Variants in CLVS1 observed in about 807,000 individuals in gnomAD.
CLVS1 encodes clavesin 1, also known as clavesin-1.
In CLVS1, 10 loss-of-function variants were observed where a neutral mutation model predicts 33.1. The observed-to-expected ratio is 0.30, with a 90% CI of 0.19 to 0.51. The LOEUF (loss-of-function observed/expected upper bound fraction) is 0.51, where lower values mean the gene tolerates loss of function less well. Ranked by LOEUF, CLVS1 falls within the 20% of genes least tolerant of loss-of-function variation. The probability of loss-of-function intolerance (pLI) is 0.97; values close to 1 mark genes in which losing one functional copy is unlikely to be tolerated. For synonymous variants in CLVS1, 163 were observed against 166.1 expected (o/e 0.98, Z 0.14); for missense variants, 343 against 433.4 (o/e 0.79, Z 1.85).
intron 3 of CLVS1, among the ~76,000 whole-genome samples, chr8:61,383,292 A>C (rs1312165822): frequency 6.6e-6 from 1 of 152,230 alleles, no homozygotes; most frequent in Non-Finnish European, 1.5e-5. Flanking sequence ...TTGAGGGATG[A>C]ATCCTTTCCC....
chr8:61,496,960 G>A (rs1039814761), intron 5 of CLVS1, among the ~76,000 whole-genome samples: 3 of 152,006 alleles, frequency 2.0e-5, no homozygotes, highest in Non-Finnish European at 4.4e-5. Flanking sequence ...TTTTTAGATG[G>A]AAAAAACTAA....
At chr8:61,122,569 A>AACACACACAC (rs4033855) in intron 1 of CLVS1, among the ~76,000 whole-genome samples, 4,874 of 144,516 alleles carry the variant, frequency 0.034, 75 homozygotes, top group Admixed American at 0.06. Flanking sequence ...ATATTAAGAA[A>AACACACACAC]ACACACACAC....
intron 3 of CLVS1, among the ~76,000 whole-genome samples, chr8:61,430,894 G>C (rs1359220691): frequency 6.6e-6 from 1 of 152,126 alleles, no homozygotes; most frequent in Non-Finnish European, 1.5e-5. Context: ...AAATCAGTGG[G>C]CTTCTCTTTC....
chr8:61,196,122 C>T lies in CLVS1; in HGVS notation c.-152+64262C>T, dbSNP rs117002328. ...AGCATAGACTTTAGAGTCATGAATT[C>T]ATTTGTTCATTTAACAAATATTTAT... On this transcript the variant is annotated intron_variant, in intron 2 of 2. Transcript: ENST00000522621. 6.9e-3 allele frequency among the ~76,000 whole-genome samples: 1,048 copies of T among 152,176 alleles called. 11 individuals carry two copies. Among genetic ancestry groups the T allele is most frequent in the Non-Finnish European group, 0.011 (759 of 67,984 alleles).
At chr8:61,076,697 A>G (rs964009044) in intron 1 of CLVS1, among the ~76,000 whole-genome samples, 4 of 152,250 alleles carry the variant, frequency 2.6e-5, no homozygotes, top group Non-Finnish European at 5.9e-5. Context: ...TAAGATCACC[A>G]GGATGGGTGG....
intron 1 of CLVS1, among the ~76,000 whole-genome samples, chr8:61,291,431 A>G (rs888378795): frequency 3.9e-5 from 6 of 152,204 alleles, no homozygotes; most frequent in Non-Finnish European, 5.9e-5. Context: ...TTAAAATAGT[A>G]TCAAAGGTCT....
chr8:61,238,635 T>C (rs1808621671), intron 2 of CLVS1, among the ~76,000 whole-genome samples: 2 of 152,224 alleles, frequency 1.3e-5, no homozygotes, highest in South Asian at 4.1e-4. Context: ...CTCTTTCTGC[T>C]TCCAACAATT....
intron 5 of CLVS1, among the ~76,000 whole-genome samples, chr8:61,462,315 T>C (rs1184901291): frequency 6.6e-6 from 1 of 152,206 alleles, no homozygotes; most frequent in Non-Finnish European, 1.5e-5. Context: ...TTTGTCCAGA[T>C]CCATCAGACA....
At chr8:61,186,384 A>G (rs181700556) in intron 2 of CLVS1, among the ~76,000 whole-genome samples, 14 of 152,308 alleles carry the variant, frequency 9.2e-5, no homozygotes, top group Admixed American at 8.5e-4. Context: ...AGAAGGTGCA[A>G]TTTTCATTCC....
chr8:61,471,075 T>C lies in CLVS1; in HGVS notation c.977+12533T>C, dbSNP rs938789043. 2.0e-5 allele frequency among the ~76,000 whole-genome samples: 3 copies of C among 152,222 alleles called. No homozygotes were observed. The South Asian group carries it at 6.2e-4, about 31-fold the overall frequency. On this transcript the variant is annotated intron_variant, in intron 5 of 5. Coordinates refer to ENST00000325897, the MANE Select transcript of CLVS1 (RefSeq NM_173519.3). ...CTGGCTTGTTTCAGCCTTGTGACTT[T>C]GAGGCCATGATTACACTGGTCTTTT...
At chr8:61,053,163 G>T (rs1367475311), upstream of CLVS1, among the ~76,000 whole-genome samples, 20 of 152,200 alleles carry the variant, frequency 1.3e-4, no homozygotes, top group Non-Finnish European at 1.5e-5. Flanking sequence ...TCAGACACCT[G>T]TAGGTCACTA....
At chr8:61,359,991 A>G (rs1183474248) in intron 2 of CLVS1, among the ~76,000 whole-genome samples, 1 of 152,118 alleles carries the variant, frequency 6.6e-6, no homozygotes, top group East Asian at 1.9e-4. Context: ...CCTGCACTGA[A>G]CAGGGATAAC....
At chr8:61,045,902 G>A in the CLVS1 span, among the ~76,000 whole-genome samples, 1 of 152,176 alleles carries the variant, frequency 6.6e-6, no homozygotes, top group Non-Finnish European at 1.5e-5. Flanking sequence ...TTTGTCAGAT[G>A]AGTAGGTTGA....
the CLVS1 span, among the ~76,000 whole-genome samples, chr8:60,975,753 G>T: frequency 6.6e-6 from 1 of 152,150 alleles, no homozygotes; most frequent in African/African-American, 2.4e-5. Flanking sequence ...CCCTCTTCCT[G>T]CATTGTCTTC....
chr8:61,175,417 C>A (rs946962947), intron 2 of CLVS1, among the ~76,000 whole-genome samples: 12 of 152,158 alleles, frequency 7.9e-5, no homozygotes, highest in Non-Finnish European at 1.6e-4. Flanking sequence ...GACTTCCCAG[C>A]CTCCAGAACT....
the CLVS1 span, among the ~76,000 whole-genome samples, chr8:61,044,873 T>G: frequency 0.1 from 15,186 of 152,238 alleles, 924 homozygotes; most frequent in East Asian, 0.27. Context: ...CAAAAAATTT[T>G]GGAGAAGAGT....
chr8:61,169,496 C>T (rs1806948650), intron 2 of CLVS1, among the ~76,000 whole-genome samples: 1 of 152,186 alleles, frequency 6.6e-6, no homozygotes, highest in Non-Finnish European at 1.5e-5. Flanking sequence ...CTCAGACAGG[C>T]TGTTCATTTA....
At chr8:61,497,163 A>G (rs1024122457) in intron 5 of CLVS1, among the ~76,000 whole-genome samples, 13 of 152,116 alleles carry the variant, frequency 8.5e-5, no homozygotes, top group Admixed American at 8.5e-4. Flanking sequence ...GATAATTTTG[A>G]TAATGTCTTC....
At chr8:61,478,143 ATCC>A (rs1818027573) in intron 5 of CLVS1, among the ~76,000 whole-genome samples, 1 of 152,124 alleles carries the variant, frequency 6.6e-6, no homozygotes, top group Admixed American at 6.5e-5. Context: ...GAGTTTCTTA[ATCC>A]TGAGTTCTAG....
Sources: gnomAD v4.1 joint callset for allele counts (sites outside exome capture counted in the v4.1 genomes callset) on GRCh38, gnomAD v4.1.1 for gene constraint, MANE v1.5 for transcripts, NCBI Gene and HGNC (gene_info 2026-07-23, HGNC 2026-07-21) for gene names.